Variants in PLCH1 observed in about 807,000 individuals in gnomAD.
PLCH1 encodes 1-phosphatidylinositol 4,5-bisphosphate phosphodiesterase eta-1.
PLCH1 carries 60 observed loss-of-function variants against 126.7 expected under a neutral mutation model. That is an observed-to-expected ratio of 0.47 (90% CI 0.38 to 0.59). The LOEUF (loss-of-function observed/expected upper bound fraction) is 0.59, where lower values mean the gene tolerates loss of function less well. Ranked by LOEUF, PLCH1 falls within the 20% of genes least tolerant of loss-of-function variation. PLCH1 has a pLI of 0.00. For missense variants in PLCH1, 1,723 were observed against 2,040.0 expected, an observed-to-expected ratio of 0.84 and a Z score of 2.99; for synonymous variants, 719 against 734.9, an observed-to-expected ratio of 0.98 and a Z score of 0.35.
chr3:155,654,356 A>G (rs1017485334), intron 2 of PLCH1, among the ~76,000 whole-genome samples: 2 of 152,038 alleles, frequency 1.3e-5, no homozygotes, highest in African/African-American at 4.8e-5. Context: ...ATGATTTTAA[A>G]TACGTGATGA....
At chr3:155,493,409 A>G (rs1716545503) in intron 17 of PLCH1, among the ~76,000 whole-genome samples, 3 of 152,156 alleles carry the variant, frequency 2.0e-5, no homozygotes, top group Admixed American at 1.3e-4. Context: ...TTCTTTTGAG[A>G]TGGAGTCTCA....
chr3:155,714,589 T>G (rs1413146383), intron 1 of PLCH1, among the ~76,000 whole-genome samples: 1 of 152,228 alleles, frequency 6.6e-6, no homozygotes, highest in East Asian at 1.9e-4. Context: ...GAGACACCAC[T>G]AAATCCCAAG....
At chr3:155,478,072 A>G (rs534447271), downstream of PLCH1, among the ~76,000 whole-genome samples, 4 of 152,318 alleles carry the variant, frequency 2.6e-5, no homozygotes, top group Non-Finnish European at 5.9e-5. Context: ...AGCCATAAAA[A>G]GAATGAGATC....
chr3:155,738,583 A>G (rs1749377337), intron 1 of PLCH1, among the ~76,000 whole-genome samples: 1 of 152,072 alleles, frequency 6.6e-6, no homozygotes, highest in Admixed American at 6.5e-5. Context: ...GGAGATCAAG[A>G]CCAGCCTGGC....
chr3:155,494,378 G>T lies in PLCH1; in HGVS notation c.2034C>A (p.Asn678Lys). The change falls in exon 16 of 23, where the codon AAC (asparagine) becomes AAA (lysine). Residue 678 changes from asparagine to lysine, a missense_variant. By Grantham distance (94) the Asn-to-Lys change is moderately conservative. Coordinates refer to ENST00000460012, the MANE Select transcript of PLCH1 (RefSeq NM_014996.4). ...CGTTCCAGTAGGGGAGAGGGTTGAA[G>T]TTACTGGAATCAATGCGGTAGGCAG... The part of the protein sequence containing the change: ...YPSAYRIDSS[N>K]FNPLPYWNAG... 6.2e-7 allele frequency: 1 copy of T among 1,614,190 alleles called. No individual in the cohort carries two copies. The highest frequency in any genetic ancestry group is 8.5e-7 in the Non-Finnish European group (1 of 1,180,024).
chr3:155,600,806 A>G (rs1466092799), intron 2 of PLCH1, among the ~76,000 whole-genome samples: 1 of 152,178 alleles, frequency 6.6e-6, no homozygotes, highest in Non-Finnish European at 1.5e-5. Context: ...CCATGTTTCT[A>G]CAGAGTCTTA....
chr3:155,642,195 T>C (rs1011608117), intron 2 of PLCH1, among the ~76,000 whole-genome samples: 7 of 152,198 alleles, frequency 4.6e-5, no homozygotes, highest in Non-Finnish European at 8.8e-5. Context: ...GCTAAGTAAC[T>C]TCCCCACGGT....
chr3:155,583,360 A>T, intron 6 of PLCH1, 112 bp downstream of exon 6: 1 of 812,006 alleles, frequency 1.2e-6, no homozygotes, highest in Non-Finnish European at 2.0e-6. Context: ...TGAACTAGTG[A>T]TATTTACCAC....
At chr3:155,529,845 C>A (rs1722436521) in intron 10 of PLCH1, among the ~76,000 whole-genome samples, 1 of 152,142 alleles carries the variant, frequency 6.6e-6, no homozygotes, top group Non-Finnish European at 1.5e-5. Flanking sequence ...CGGCTCACTG[C>A]AACCTCCGCC....
At chr3:155,646,182 C>T (rs1740029533) in intron 2 of PLCH1, among the ~76,000 whole-genome samples, 1 of 152,148 alleles carries the variant, frequency 6.6e-6, no homozygotes, top group Admixed American at 6.5e-5. Context: ...AACAAGGCCC[C>T]AGATGTGAAA....
intron 21 of PLCH1, among the ~76,000 whole-genome samples, chr3:155,458,643 G>A (rs573093339): frequency 6.6e-6 from 1 of 152,230 alleles, no homozygotes; most frequent in African/African-American, 2.4e-5. Context: ...GGGTAAACTG[G>A]AAATGTGGAC....
intron 2 of PLCH1, among the ~76,000 whole-genome samples, chr3:155,616,958 GAAAC>G (rs1434148023): frequency 7.3e-5 from 11 of 151,454 alleles, no homozygotes; most frequent in Non-Finnish European, 1.3e-4. Flanking sequence ...GAATCCAAAA[GAAAC>G]ATATTCAGTT....
intron 10 of PLCH1, among the ~76,000 whole-genome samples, chr3:155,542,980 C>T (rs890442944): frequency 3.9e-5 from 6 of 152,202 alleles, no homozygotes; most frequent in African/African-American, 7.2e-5. Context: ...AAGCAGAGCA[C>T]CTTTCCTCCT....
intron 21 of PLCH1, among the ~76,000 whole-genome samples, chr3:155,458,219 G>A (rs887967016): frequency 1.5e-4 from 23 of 151,424 alleles, no homozygotes; most frequent in Non-Finnish European, 3.1e-4. Flanking sequence ...GTGCATGCCT[G>A]TAATTCCAGC....
At position 155,481,821 on chromosome 3, in the gene PLCH1, T is replaced by G; in HGVS notation, c.4205A>C (p.Lys1402Thr). ...AGGGACAGAAGGGCGGAGGGTCTCT[T>G]TACAGTAGCCGTTTCTCAAACCTCT... ...FQRGLRNGYC[K>T]ETLRPSVPEI... Residue 1402 changes from lysine (K) to threonine (T), a missense_variant, in exon 23 of 23, where the codon AAA becomes ACA. Lys to Thr is a moderately conservative substitution (Grantham distance 78). Around this residue, in one of 2 missense-constraint regions of PLCH1, gnomAD observed 947 missense variants for 977.1 expected, o/e 0.97. Coordinates refer to ENST00000460012, the MANE Select transcript of PLCH1 (RefSeq NM_014996.4). This position sits in a 1 kb window ranked among gnomAD's most constrained non-coding sequence, Gnocchi z 4.2. The G allele has an allele frequency of 1.2e-6, 2 of 1,614,226 alleles. No individual in the cohort carries two copies. Among genetic ancestry groups the G allele is most frequent in the Non-Finnish European group, 1.7e-6 (2 of 1,180,044 alleles).
intron 10 of PLCH1, among the ~76,000 whole-genome samples, chr3:155,545,954 A>G (rs1398607249): frequency 1.1e-4 from 17 of 151,900 alleles, no homozygotes; most frequent in Admixed American, 1.1e-3. Context: ...AAAAACTGGA[A>G]GCATTCCCTT....
At chr3:155,727,476 C>A (rs372876273) in intron 1 of PLCH1, among the ~76,000 whole-genome samples, 5 of 151,914 alleles carry the variant, frequency 3.3e-5, no homozygotes, top group African/African-American at 7.3e-5. Flanking sequence ...CAACCTCCCC[C>A]TCCTGGGCTC....
chr3:155,572,200 G>A (rs1729314310), intron 6 of PLCH1, among the ~76,000 whole-genome samples: 1 of 152,154 alleles, frequency 6.6e-6, no homozygotes, highest in African/African-American at 2.4e-5. Flanking sequence ...TGTCACTCTT[G>A]TGAAAGAGCT....
chr3:155,537,205 A>C (rs58275013), intron 10 of PLCH1, among the ~76,000 whole-genome samples: 48 of 4,828 alleles, frequency 9.9e-3, no homozygotes, highest in African/African-American at 0.018. Context: ...AAAAAACCAA[A>C]AAAAAAAAAA....
Sources: allele counts gnomAD v4.1 joint callset (sites outside exome capture counted in the v4.1 genomes callset), GRCh38; gene constraint gnomAD v4.1.1; regional missense constraint gnomAD v4.1.1; non-coding constraint Gnocchi (gnomAD v3.1); transcripts MANE v1.5; gene names NCBI Gene and HGNC (gene_info 2026-07-23, HGNC 2026-07-21).